LINGO2: variants seen among roughly 807,000 people sequenced by gnomAD.
LINGO2 encodes leucine rich repeat and Ig domain containing 2.
A neutral mutation model predicts 30.6 loss-of-function variants in LINGO2; 14 were observed. The observed-to-expected ratio is 0.46, with a 90% CI of 0.30 to 0.72. The LOEUF is 0.72. Ranked by LOEUF, LINGO2 falls within the 30% of genes least tolerant of loss-of-function variation. The pLI is 0.07. For missense variants in LINGO2, 729 were observed against 751.7 expected (o/e 0.97, Z 0.35); for synonymous variants, 317 against 288.5 (o/e 1.10, Z -1.00).
chr9:28,920,481 T>C, the LINGO2 span, among the ~76,000 whole-genome samples: 6,261 of 152,132 alleles, frequency 0.041, 194 homozygotes, highest in Admixed American at 0.082. Context: ...AAATAATCAG[T>C]CTTATAAATT....
intron 5 of LINGO2, among the ~76,000 whole-genome samples, chr9:27,987,037 T>C (rs1285853128): frequency 6.6e-6 from 1 of 151,684 alleles, no homozygotes; most frequent in Non-Finnish European, 1.5e-5. Flanking sequence ...GGTCGACTTT[T>C]TTTTGTGTGT....
chr9:28,735,725 T>C, the LINGO2 span, among the ~76,000 whole-genome samples: 1 of 152,116 alleles, frequency 6.6e-6, no homozygotes, highest in Non-Finnish European at 1.5e-5. Flanking sequence ...TTCTTTTAAT[T>C]ATAACATCTG....
At chr9:28,684,478 C>G in the LINGO2 span, among the ~76,000 whole-genome samples, 39 of 146,608 alleles carry the variant, frequency 2.7e-4, no homozygotes, top group African/African-American at 9.8e-4. Context: ...CGTGAGCCAC[C>G]GCGCCCAGCC....
At chr9:28,927,611 G>T in the LINGO2 span, among the ~76,000 whole-genome samples, 1 of 152,124 alleles carries the variant, frequency 6.6e-6, no homozygotes, top group Non-Finnish European at 1.5e-5. Context: ...GATTATATGA[G>T]ATAATGTAAA....
At position 28,248,150 on chromosome 9, in the gene LINGO2, G is replaced by T. The variant is rs899372239; in HGVS notation, c.-87+47058C>A. Among the ~76,000 whole-genome samples the T allele has an allele frequency of 1.2e-4, 19 of 152,134 alleles. 1 individual carries two copies. The highest frequency in any genetic ancestry group is 7.2e-4 in the Admixed American group (11 of 15,262). On this transcript the variant is annotated intron_variant, in intron 4 of 5. Transcript: ENST00000379992. ...AAATCAGTATATCAAAGGGATATTTGCCCTCCTATGTTTATCACAGCACTG... is the reference window on the plus strand; with the variant it reads ...AAATCAGTATATCAAAGGGATATTTTCCCTCCTATGTTTATCACAGCACTG...
intron 4 of LINGO2, among the ~76,000 whole-genome samples, chr9:28,272,250 G>C (rs921247080): frequency 6.6e-6 from 1 of 152,036 alleles, no homozygotes; most frequent in African/African-American, 2.4e-5. Flanking sequence ...AGAACAGATC[G>C]TGTTCCTCTT....
intron 4 of LINGO2, among the ~76,000 whole-genome samples, chr9:28,143,750 A>G (rs1827738227): frequency 6.6e-6 from 1 of 152,142 alleles, no homozygotes; most frequent in Non-Finnish European, 1.5e-5. Context: ...TTTAGTGTCA[A>G]TATCAAGTAA....
At chr9:28,502,131 G>GATACAC (rs1819913168) in intron 1 of LINGO2, among the ~76,000 whole-genome samples, 1 of 147,030 alleles carries the variant, frequency 6.8e-6, no homozygotes, top group Non-Finnish European at 1.5e-5. Flanking sequence ...GAGAAACACA[G>GATACAC]ACACACACAC....
At chr9:28,445,049 A>C (rs1331919) in intron 2 of LINGO2, among the ~76,000 whole-genome samples, 50,937 of 152,134 alleles carry the variant, frequency 0.33, 9,966 homozygotes, top group Middle Eastern at 0.45. Context: ...TCACTTAAGT[A>C]ATTTAGCCAA....
intron 1 of LINGO2, among the ~76,000 whole-genome samples, chr9:28,499,627 A>G (rs1234870643): frequency 6.6e-6 from 1 of 152,188 alleles, no homozygotes; most frequent in Non-Finnish European, 1.5e-5. Flanking sequence ...TTCATATGTA[A>G]AGAGTGATAA....
At chr9:28,540,265 T>C (rs1345322879) in intron 1 of LINGO2, among the ~76,000 whole-genome samples, 1 of 151,386 alleles carries the variant, frequency 6.6e-6, no homozygotes, top group African/African-American at 2.4e-5. Flanking sequence ...TCTGTCTCTC[T>C]CTCTCTCTCT....
At chr9:28,908,791 A>G in the LINGO2 span, among the ~76,000 whole-genome samples, 1 of 151,942 alleles carries the variant, frequency 6.6e-6, no homozygotes, top group Non-Finnish European at 1.5e-5. Context: ...TTCATTTGTT[A>G]AGGTTCCTCT....
At chr9:28,461,010 T>G (rs966149534) in intron 2 of LINGO2, among the ~76,000 whole-genome samples, 1 of 152,172 alleles carries the variant, frequency 6.6e-6, no homozygotes, top group East Asian at 1.9e-4. Flanking sequence ...AGATACAATA[T>G]AACCCTAAAC....
At chr9:28,863,824 C>T in the LINGO2 span, 1 of 259,898 alleles carries the variant, frequency 3.8e-6, no homozygotes, top group South Asian at 3.8e-5. Context: ...CTCAGTTTTG[C>T]ACCACCCTCT....
At chr9:28,069,726 C>A (rs1225687598) in intron 4 of LINGO2, among the ~76,000 whole-genome samples, 2 of 152,072 alleles carry the variant, frequency 1.3e-5, no homozygotes, top group East Asian at 3.9e-4. Flanking sequence ...CATTTAGTGC[C>A]CAGCGAGCCT....
At chr9:29,020,511 A>G in the LINGO2 span, among the ~76,000 whole-genome samples, 188 of 152,300 alleles carry the variant, frequency 1.2e-3, no homozygotes, top group African/African-American at 4.0e-3. Flanking sequence ...AGATCTCTAG[A>G]ATATGACTTT....
At chr9:29,195,882 A>T in the LINGO2 span, among the ~76,000 whole-genome samples, 1 of 152,094 alleles carries the variant, frequency 6.6e-6, no homozygotes. Flanking sequence ...ACTTATAATC[A>T]AATTATGTAC....
chr9:28,102,971 G>A (rs1417997119), intron 4 of LINGO2, among the ~76,000 whole-genome samples: 2 of 152,062 alleles, frequency 1.3e-5, no homozygotes, highest in African/African-American at 4.8e-5. Context: ...AGCCAGGCTG[G>A]TATGTTAACT....
At chr9:28,599,272 G>C (rs970314405) in intron 1 of LINGO2, 5 of 152,162 alleles carry the variant, frequency 3.3e-5, no homozygotes, top group African/African-American at 9.7e-5. Flanking sequence ...TCTTACCTAA[G>C]TGATTTCCTC....
Sources: allele counts gnomAD v4.1 joint callset (sites outside exome capture counted in the v4.1 genomes callset), GRCh38; gene constraint gnomAD v4.1.1; transcripts MANE v1.5; gene names NCBI Gene and HGNC (gene_info 2026-07-23, HGNC 2026-07-21).